The following ATP8A1 variants were observed in gnomAD, a reference collection of about 807,000 sequenced individuals.
ATP8A1 encodes the protein ATPase phospholipid transporting 8A1, also known as phospholipid-transporting ATPase IA.
In ATP8A1, 90 loss-of-function variants were observed where a neutral mutation model predicts 177.7. That is an observed-to-expected ratio of 0.51 (90% CI 0.43 to 0.60). The LOEUF (loss-of-function observed/expected upper bound fraction) is 0.60, where lower values mean the gene tolerates loss of function less well. ATP8A1 is among the 20% of genes least tolerant of loss of function. The probability of loss-of-function intolerance (pLI) is 0.00; values close to 1 mark genes in which losing one functional copy is unlikely to be tolerated. For missense variants in ATP8A1, 1,072 were observed against 1,392.8 expected, an observed-to-expected ratio of 0.77 and a Z score of 3.67; for synonymous variants, 493 against 485.9, an observed-to-expected ratio of 1.01 and a Z score of -0.19.
intron 15 of ATP8A1, among the ~76,000 whole-genome samples, chr4:42,568,843 G>C (rs1246195606): frequency 6.6e-6 from 1 of 152,026 alleles, no homozygotes; most frequent in Non-Finnish European, 1.5e-5. Context: ...AAAACCTGAC[G>C]GCTTCAGGAG....
intron 10 of ATP8A1, among the ~76,000 whole-genome samples, chr4:42,580,876 T>C (rs191323949): frequency 3.9e-4 from 60 of 152,288 alleles, no homozygotes; most frequent in Non-Finnish European, 7.5e-4. Flanking sequence ...GCCTTACATA[T>C]AAATGCTATG....
chr4:42,542,271 T>C (rs1047442053), intron 20 of ATP8A1, among the ~76,000 whole-genome samples: 3 of 152,132 alleles, frequency 2.0e-5, no homozygotes, highest in Admixed American at 6.6e-5. Flanking sequence ...TTATTAAAAA[T>C]GGAAGTCCAT....
chr4:42,580,302 C>T (rs1285817382), intron 10 of ATP8A1, among the ~76,000 whole-genome samples: 1 of 152,196 alleles, frequency 6.6e-6, no homozygotes, highest in East Asian at 1.9e-4. Flanking sequence ...TGTAAGCAAA[C>T]AGGGTAGTCT....
Position 42,524,626 on chromosome 4 carries a change from G to A in ATP8A1, c.1807+137C>T, listed in dbSNP as rs1296251940. 3 of 511,118 alleles carry A rather than the reference G, an allele frequency of 5.9e-6. No homozygotes were observed. The Admixed American group carries it at 1.1e-4, about 19-fold the overall frequency. The allele number at this position is 511,118 out of a possible 1,614,324, so 31.7% of individuals were successfully genotyped here. A position where few individuals can be genotyped will look rare whatever the true frequency, so the allele number is the denominator to read the frequency against. On this transcript the variant is annotated intron_variant, in intron 21 of 36. Transcript: ENST00000381668. ...AAACACAGGCTGGGAACAGCATATA[G>A]TAAAATCTAAATTGCCAACAGCTGA...
At chr4:42,575,551 C>A (rs1187190523) in intron 13 of ATP8A1, 71 bp downstream of exon 13, 1 of 1,250,748 alleles carries the variant, frequency 8.0e-7, no homozygotes, top group African/African-American at 1.5e-5. Flanking sequence ...CTGCAGTTAT[C>A]ATATATGGCA....
chr4:42,552,802 A>T (rs1287227567), intron 16 of ATP8A1, among the ~76,000 whole-genome samples, 192 bp from the exon 17 acceptor site: 1 of 152,186 alleles, frequency 6.6e-6, no homozygotes, highest in African/African-American at 2.4e-5. Context: ...AGCCTGGTGA[A>T]ACCCCGTCTC....
chr4:42,483,454 A>G (rs1443804674), intron 25 of ATP8A1, among the ~76,000 whole-genome samples: 1 of 152,010 alleles, frequency 6.6e-6, no homozygotes, highest in East Asian at 1.9e-4. Context: ...TGAAACATGC[A>G]TAAAACAGAA....
At chr4:42,623,231 T>C (rs1737680332) in intron 4 of ATP8A1, among the ~76,000 whole-genome samples, 1 of 152,134 alleles carries the variant, frequency 6.6e-6, no homozygotes, top group African/African-American at 2.4e-5. Flanking sequence ...AAAGGAACAT[T>C]TATACACTGT....
intron 24 of ATP8A1, among the ~76,000 whole-genome samples, chr4:42,486,250 G>C (rs915168812): frequency 9.9e-5 from 15 of 152,078 alleles, no homozygotes; most frequent in African/African-American, 3.6e-4. Flanking sequence ...CAAAGGTAAA[G>C]GAGAACAAAG....
At chr4:42,620,341 T>C (rs17532707) in intron 4 of ATP8A1, among the ~76,000 whole-genome samples, 34,411 of 152,236 alleles carry the variant, frequency 0.23, 4,359 homozygotes, top group Non-Finnish European at 0.29. Flanking sequence ...AACTACTTCA[T>C]ATGATACTAT....
chr4:42,430,525 G>C (rs927946595), intron 33 of ATP8A1, among the ~76,000 whole-genome samples: 1 of 151,710 alleles, frequency 6.6e-6, no homozygotes, highest in Non-Finnish European at 1.5e-5. Flanking sequence ...TACACGTGCA[G>C]GTTTGTTACA....
In ATP8A1 at chr4:42,507,073, C is replaced by T. The variant is rs759976081; in HGVS notation, c.2029G>A (p.Ala677Thr). ...VPETIETLMK[A>T]DIKIWILTGD... ...GTAAGGATCCAGATTTTGATGTCTG[C>T]TTTCATTAGCGTTTCTATGGTTTCA... Residue 677 changes from alanine to threonine, a missense_variant, in exon 23 of 37, where the codon GCA (alanine) becomes ACA (threonine). Physicochemically the swap from Ala to Thr is moderately conservative, Grantham distance 58. Around this residue, in one of 5 missense-constraint regions of ATP8A1, gnomAD observed 388 missense variants for 471.7 expected, o/e 0.82. Coordinates refer to ENST00000381668, the MANE Select transcript of ATP8A1 (RefSeq NM_006095.2). The T allele has an allele frequency of 1.2e-6, 2 of 1,613,926 alleles. No individual in the cohort carries two copies. The highest frequency in any genetic ancestry group is 1.7e-6 in the Non-Finnish European group (2 of 1,179,950).
chr4:42,599,535 T>C (rs998727821), intron 6 of ATP8A1, among the ~76,000 whole-genome samples: 1 of 152,198 alleles, frequency 6.6e-6, no homozygotes, highest in Non-Finnish European at 1.5e-5. Context: ...TCAGTCTCTA[T>C]TCTAGCCACT....
chr4:42,423,716 C>T lies in ATP8A1; in HGVS notation c.3124-11G>A, dbSNP rs1454418890. 8 of 1,601,384 alleles carry T rather than the reference C, an allele frequency of 5.0e-6. No individual in the cohort carries two copies. Among genetic ancestry groups the T allele is most frequent in the Admixed American group, 1.7e-5 (1 of 58,790 alleles). ...GAACAACATGGCTGCCTGTGTAAAT[C>T]GTCAGAAAAAACATTACTTTAAAAC... On this transcript the variant is annotated splice_polypyrimidine_tract_variant and intron_variant, in intron 33 of 36. Transcript: ENST00000381668.
At position 42,522,230 on chromosome 4, in the gene ATP8A1, T is replaced by A; in HGVS notation, c.1877A>T (p.Tyr626Phe). ...ESDFQEWRAV[Y>F]QRASTSVQNR... ...CTGCACAGATGTAGATGCTCGCTGA[T>A]AGACTGCTCGCCACTCCTGAAAGTC... Residue 626 changes from tyrosine to phenylalanine, a missense_variant, in exon 22 of 37, where the codon TAT becomes TTT. Transcript: ENST00000381668. 1 of 1,613,772 alleles carries A rather than the reference T, an allele frequency of 6.2e-7. No individual in the cohort carries two copies.
At chr4:42,420,306 T>C (rs148000973) in intron 35 of ATP8A1, among the ~76,000 whole-genome samples, 9 of 152,340 alleles carry the variant, frequency 5.9e-5, no homozygotes, top group Middle Eastern at 3.4e-3. Flanking sequence ...ATGGAGCACA[T>C]GCTGGTCCAG....
At chr4:42,481,433 T>C (rs779892850) in intron 25 of ATP8A1, among the ~76,000 whole-genome samples, 1 of 152,208 alleles carries the variant, frequency 6.6e-6, no homozygotes, top group Admixed American at 6.5e-5. Context: ...CTTCATTTTG[T>C]AGGTCACAAA....
chr4:42,632,779 C>T (rs1738882207), intron 1 of ATP8A1, among the ~76,000 whole-genome samples: 1 of 152,196 alleles, frequency 6.6e-6, no homozygotes, highest in African/African-American at 2.4e-5. Flanking sequence ...CACTTAGGGG[C>T]TGTGAGGTGA....
At chr4:42,560,997 GGATA>G (rs1730760419) in intron 15 of ATP8A1, among the ~76,000 whole-genome samples, 1 of 152,100 alleles carries the variant, frequency 6.6e-6, no homozygotes, top group Non-Finnish European at 1.5e-5. Context: ...TTTATAACAT[GGATA>G]GATAATGGAG....
Sources: allele counts gnomAD v4.1 joint callset (sites outside exome capture counted in the v4.1 genomes callset), GRCh38; gene constraint gnomAD v4.1.1; regional missense constraint gnomAD v4.1.1; transcripts MANE v1.5; gene names NCBI Gene and HGNC (gene_info 2026-07-23, HGNC 2026-07-21).